ASTN2: variants seen among roughly 807,000 people sequenced by gnomAD.
ASTN2 encodes astrotactin-2.
A neutral mutation model predicts 139.8 loss-of-function variants in ASTN2; 54 were observed. The observed-to-expected ratio is 0.39, with a 90% CI of 0.31 to 0.48. The LOEUF (loss-of-function observed/expected upper bound fraction) is 0.48. Among genes scored for constraint, ASTN2 ranks in the 20% least tolerant of loss-of-function variants. The pLI, the probability that ASTN2 is intolerant of heterozygous loss-of-function variation, is 0.95. For missense variants in ASTN2, 1,565 were observed against 1,725.1 expected (o/e 0.91, Z 1.64); for synonymous variants, 756 against 719.5 (o/e 1.05, Z -0.81).
At chr9:116,836,873 G>A (rs115382693) in intron 11 of ASTN2, among the ~76,000 whole-genome samples, 3,896 of 151,532 alleles carry the variant, frequency 0.026, 188 homozygotes, top group African/African-American at 0.09. Flanking sequence ...CAGCCCTAGA[G>A]CTAAGAATGG....
intron 22 of ASTN2, among the ~76,000 whole-genome samples, chr9:116,433,849 A>G (rs985121447): frequency 1.3e-5 from 2 of 152,192 alleles, no homozygotes; most frequent in African/African-American, 2.4e-5. Context: ...CCCACTGAAA[A>G]TGTTCGCATT....
chr9:116,838,404 C>A (rs1832084121), intron 11 of ASTN2, among the ~76,000 whole-genome samples: 1 of 150,952 alleles, frequency 6.6e-6, no homozygotes, highest in Non-Finnish European at 1.5e-5. Context: ...AGGCACCGCA[C>A]CCAGCCAAAA....
At chr9:117,045,987 CGTACGTATGTAT>C (rs1377923876) in intron 5 of ASTN2, among the ~76,000 whole-genome samples, 5 of 141,914 alleles carry the variant, frequency 3.5e-5, no homozygotes, top group African/African-American at 5.2e-5. Flanking sequence ...TATGTACGTA[CGTACGTATGTAT>C]GTATGTATGT....
Position 116,725,836 on chromosome 9 carries a change from A to G in ASTN2, c.2741T>C (p.Leu914Pro). 1 of 1,613,954 alleles carries G rather than the reference A, an allele frequency of 6.2e-7. No homozygotes were observed. Residue 914 changes from leucine to proline, a missense_variant, in exon 16 of 23, where the codon CTC becomes CCC. Transcript: ENST00000313400. ...YIAEALYGSE[L>P]TCIIHFPSKK... ...GCTGGGAAAGTGGATGATGCAGGTGAGCTCTGAGCCATAGAGGGCCTCTGC... is the reference window on the plus strand; with the variant it reads ...GCTGGGAAAGTGGATGATGCAGGTGGGCTCTGAGCCATAGAGGGCCTCTGC...
chr9:117,055,911 A>G (rs892981040), intron 5 of ASTN2, among the ~76,000 whole-genome samples: 2 of 152,218 alleles, frequency 1.3e-5, no homozygotes, highest in Admixed American at 1.3e-4. Flanking sequence ...GTTATGAAAG[A>G]CTGACTTCCA....
chr9:116,959,176 T>A (rs1221586389), intron 10 of ASTN2, among the ~76,000 whole-genome samples: 1 of 152,170 alleles, frequency 6.6e-6, no homozygotes, highest in Non-Finnish European at 1.5e-5. Flanking sequence ...AAAGGGCTTC[T>A]ACAATGGATG....
chr9:116,941,639 T>C (rs1835233489), intron 10 of ASTN2, among the ~76,000 whole-genome samples: 1 of 151,184 alleles, frequency 6.6e-6, no homozygotes, highest in African/African-American at 2.4e-5. Flanking sequence ...AGAATAATGC[T>C]TGACAAAATA....
chr9:116,773,914 C>A (rs1830015957), intron 13 of ASTN2, among the ~76,000 whole-genome samples: 3 of 152,196 alleles, frequency 2.0e-5, no homozygotes, highest in African/African-American at 7.2e-5. Flanking sequence ...AGCCCTACAT[C>A]CCCATGATAC....
intron 13 of ASTN2, among the ~76,000 whole-genome samples, chr9:116,803,447 C>T (rs1165513311): frequency 2.2e-5 from 3 of 138,330 alleles, no homozygotes; most frequent in African/African-American, 7.8e-5. Context: ...TCCCAAGTAG[C>T]TGGGACTACA....
At chr9:117,212,730 C>T (rs7020281) in intron 3 of ASTN2, among the ~76,000 whole-genome samples, 26,253 of 152,086 alleles carry the variant, frequency 0.17, 2,452 homozygotes, top group South Asian at 0.28. Flanking sequence ...TCAAAAACTG[C>T]AATGAGGTAT....
intron 10 of ASTN2, among the ~76,000 whole-genome samples, chr9:116,939,678 T>G (rs564448011): frequency 2.0e-5 from 3 of 152,146 alleles, no homozygotes; most frequent in African/African-American, 4.8e-5. Context: ...AAACCTACTA[T>G]GTACAGGCCT....
chr9:117,104,411 A>G (rs983621527), intron 4 of ASTN2, among the ~76,000 whole-genome samples: 8 of 152,096 alleles, frequency 5.3e-5, no homozygotes, highest in African/African-American at 1.9e-4. Context: ...ACAAAGAGGG[A>G]CTCCACTTGT....
intron 13 of ASTN2, among the ~76,000 whole-genome samples, chr9:116,771,776 T>G (rs931622604): frequency 2.0e-5 from 3 of 152,208 alleles, no homozygotes; most frequent in Admixed American, 6.5e-5. Flanking sequence ...AGTGCCAGGC[T>G]CTCAGCAGTC....
chr9:116,724,315 G>A (rs1266068640), intron 16 of ASTN2, among the ~76,000 whole-genome samples: 1 of 152,110 alleles, frequency 6.6e-6, no homozygotes, highest in Non-Finnish European at 1.5e-5. Flanking sequence ...CCATAAAACG[G>A]AGCTATTCCC....
In ASTN2 at chr9:116,975,295, A is replaced by G; in HGVS notation, c.1802T>C (p.Phe601Ser). Residue 601 changes from phenylalanine to serine, a missense_variant, in exon 10 of 23, where the codon TTT (phenylalanine) becomes TCT (serine). This residue lies in a region of ASTN2 where 503 missense variants were observed against 591.7 expected (regional missense o/e 0.85). Transcript: ENST00000313400. ...GGACAGCTCCACAGGCGGAACCACA[A>G]AGCTTTTGCTGACAGGAAGCCAGAG... ...QGLWLPVSKS[F>S]VVPPVELSIN... 1 of 1,613,532 alleles carries G rather than the reference A, an allele frequency of 6.2e-7. No individual in the cohort carries two copies. Among genetic ancestry groups the G allele is most frequent in the Admixed American group, 1.7e-5 (1 of 59,968 alleles).
At chr9:116,837,685 G>A (rs1408432896) in intron 11 of ASTN2, among the ~76,000 whole-genome samples, 2 of 56,450 alleles carry the variant, frequency 3.5e-5, no homozygotes, top group African/African-American at 6.2e-5. Flanking sequence ...TGGGCCAGCT[G>A]TTCTGAGCAG....
intron 19 of ASTN2, among the ~76,000 whole-genome samples, chr9:116,530,272 C>A (rs1248304509): frequency 2.7e-5 from 4 of 150,692 alleles, no homozygotes; most frequent in African/African-American, 9.7e-5. Context: ...ACCATACGAT[C>A]TCACTTACAA....
rs530305648 is a variant in ASTN2 at position 116,835,823 on chromosome 9, G to A, written c.2041-15040C>T. On this transcript the variant is annotated intron_variant, in intron 11 of 22. Transcript: ENST00000313400. ...TATTTTAGAGAGAGGTTCTCTCTCC[G>A]TCACCCAGGTTGGAGTACAGTGGCA... is the stretch of plus-strand genomic sequence containing the variant. 1.9e-4 allele frequency among the ~76,000 whole-genome samples: 29 copies of A among 152,200 alleles called. No individual in the cohort carries two copies. The East Asian group carries it at 3.3e-3, about 17-fold the overall frequency.
intron 13 of ASTN2, among the ~76,000 whole-genome samples, chr9:116,798,398 T>G (rs141210722): frequency 5.3e-4 from 81 of 152,324 alleles, no homozygotes; most frequent in African/African-American, 1.8e-3. Flanking sequence ...TGATGTAGTA[T>G]AGTTCTCAGA....
Sources: allele counts gnomAD v4.1 joint callset (sites outside exome capture counted in the v4.1 genomes callset), GRCh38; gene constraint gnomAD v4.1.1; regional missense constraint gnomAD v4.1.1; transcripts MANE v1.5; gene names NCBI Gene and HGNC (gene_info 2026-07-23, HGNC 2026-07-21).